HOMER2: variants seen among roughly 807,000 people sequenced by gnomAD.
HOMER2 encodes the protein homer protein homolog 2.
Under a neutral mutation model 47.0 loss-of-function variants are expected in HOMER2, and 27 were observed. The observed-to-expected ratio is 0.57, with a 90% CI of 0.42 to 0.79. HOMER2 has a LOEUF of 0.79. Among genes scored for constraint, HOMER2 ranks in the 30% least tolerant of loss-of-function variants. The pLI, the probability that HOMER2 is intolerant of heterozygous loss-of-function variation, is 0.00. For missense variants in HOMER2, 443 were observed against 435.0 expected (o/e 1.02, Z -0.16); for synonymous variants, 161 against 163.8 (o/e 0.98, Z 0.13).
intron 1 of HOMER2, among the ~76,000 whole-genome samples, chr15:82,893,367 C>T (rs542708426): frequency 7.8e-6 from 1 of 128,692 alleles, no homozygotes; most frequent in Non-Finnish European, 1.6e-5. Context: ...GAGTCTCGCT[C>T]TGTTGCCCAG....
At chr15:82,898,067 G>A (rs949408133) in intron 1 of HOMER2, among the ~76,000 whole-genome samples, 1 of 152,234 alleles carries the variant, frequency 6.6e-6, no homozygotes, top group Non-Finnish European at 1.5e-5. Flanking sequence ...CAACAGGGCT[G>A]TGAGTGGGCA....
At chr15:82,961,779 T>G (rs928301954) in intron 1 of HOMER2, among the ~76,000 whole-genome samples, 5 of 152,156 alleles carry the variant, frequency 3.3e-5, no homozygotes, top group Non-Finnish European at 7.3e-5. Context: ...CATAAGTTTT[T>G]GTTTTTTATT....
chr15:82,950,960 G>C (rs2054493096), intron 1 of HOMER2, among the ~76,000 whole-genome samples: 1 of 152,192 alleles, frequency 6.6e-6, no homozygotes, highest in Non-Finnish European at 1.5e-5. Context: ...GGGCCAGAAA[G>C]AGAGTTAAAA....
Position 82,867,026 on chromosome 15 carries a change from T to A in HOMER2, c.295-2767A>T, listed in dbSNP as rs531001716. On this transcript the variant is annotated intron_variant, in intron 3 of 8. Transcript: ENST00000450735. ...GGGCCTCAACTTTTATATAAAAAATTAGCTTATGACTAAGGGGGAAACAGA... is the reference window on the plus strand; with the variant it reads ...GGGCCTCAACTTTTATATAAAAAATAAGCTTATGACTAAGGGGGAAACAGA... 2.6e-5 allele frequency among the ~76,000 whole-genome samples: 4 copies of A among 152,258 alleles called. No homozygotes were observed. The South Asian group carries it at 8.3e-4, about 32-fold the overall frequency.
chr15:82,920,402 G>A (rs1244790902), intron 1 of HOMER2, among the ~76,000 whole-genome samples: 1 of 152,190 alleles, frequency 6.6e-6, no homozygotes, highest in African/African-American at 2.4e-5. Context: ...CAGCTCTGGA[G>A]GGCAGAAATC....
At chr15:82,875,534 C>T (rs2052321722) in intron 2 of HOMER2, 130 bp from the exon 3 acceptor site, 18 of 927,502 alleles carry the variant, frequency 1.9e-5, no homozygotes, top group South Asian at 3.4e-5. Context: ...TTTGGTCCCG[C>T]GTTCTCCTGG....
chr15:82,840,899 A>T (rs1043708396), exon 2 of HOMER2: 16 of 152,116 alleles, frequency 1.1e-4, no homozygotes, highest in Admixed American at 4.6e-4. Context: ...AAGAGCAAAA[A>T]ATTCTAAATA....
chr15:82,961,538 C>A (rs887377401), intron 1 of HOMER2, among the ~76,000 whole-genome samples: 1 of 152,238 alleles, frequency 6.6e-6, no homozygotes, highest in Non-Finnish European at 1.5e-5. Flanking sequence ...CCTTTAAATT[C>A]CTGTGCTTCA....
At chr15:82,975,945 G>A (rs965804444) in intron 1 of HOMER2, among the ~76,000 whole-genome samples, 68 of 151,886 alleles carry the variant, frequency 4.5e-4, no homozygotes, top group African/African-American at 1.6e-3. Context: ...ATTGTGTGCC[G>A]GTATCAAAGC....
chr15:82,953,392 G>A (rs1310955742), upstream of HOMER2, among the ~76,000 whole-genome samples: 3 of 152,146 alleles, frequency 2.0e-5, no homozygotes, highest in Non-Finnish European at 4.4e-5. Flanking sequence ...AGGGGAATTA[G>A]GATGGCAAAA....
chr15:82,937,533 C>T (rs1307616066), intron 1 of HOMER2, among the ~76,000 whole-genome samples: 6 of 152,114 alleles, frequency 3.9e-5, no homozygotes, highest in Admixed American at 3.3e-4. Context: ...CCCTCCAAGA[C>T]ATTATCCGCT....
At chr15:82,841,479 C>T (rs2051174857) in exon 2 of HOMER2, 1 of 152,050 alleles carries the variant, frequency 6.6e-6, no homozygotes, top group Non-Finnish European at 1.5e-5. Context: ...GATTATTTTA[C>T]ACTAAGAGTC....
At chr15:82,853,613 A>T (rs971618620) in intron 6 of HOMER2, among the ~76,000 whole-genome samples, 5 of 152,164 alleles carry the variant, frequency 3.3e-5, no homozygotes, top group African/African-American at 1.2e-4. Context: ...GACGGAGCAT[A>T]CTCCAAAGCC....
chr15:82,897,061 ATTTCTTTTTT>A (rs1335892220), intron 1 of HOMER2, among the ~76,000 whole-genome samples: 70 of 46,024 alleles, frequency 1.5e-3, no homozygotes, highest in African/African-American at 4.0e-3. Flanking sequence ...ATTTGATGTC[ATTTCTTTTTT>A]TTTTTTTTTT....
chr15:82,955,181 T>A (rs2054576617), upstream of HOMER2, among the ~76,000 whole-genome samples: 1 of 150,080 alleles, frequency 6.7e-6, no homozygotes, highest in Admixed American at 6.6e-5. Context: ...CTTTTTTTTT[T>A]TTTTTTGAGA....
At chr15:82,940,502 G>T (rs1213946622) in intron 1 of HOMER2, among the ~76,000 whole-genome samples, 1 of 152,202 alleles carries the variant, frequency 6.6e-6, no homozygotes, top group Non-Finnish European at 1.5e-5. Flanking sequence ...CCAGCACTTT[G>T]GGAGGCCAAG....
chr15:82,934,255 C>A (rs549824941), intron 1 of HOMER2, among the ~76,000 whole-genome samples: 8 of 152,136 alleles, frequency 5.3e-5, no homozygotes, highest in African/African-American at 1.9e-4. Flanking sequence ...CCTGCCTCCA[C>A]GTTACTTTCT....
chr15:82,850,392 C>T (rs2051354468), intron 8 of HOMER2, among the ~76,000 whole-genome samples: 3 of 152,206 alleles, frequency 2.0e-5, no homozygotes, highest in African/African-American at 7.2e-5. Flanking sequence ...ACTGGCCATG[C>T]CAATGACTCA....
chr15:82,947,010 T>C (rs117766505), intron 1 of HOMER2, among the ~76,000 whole-genome samples: 1,658 of 152,360 alleles, frequency 0.011, 8 homozygotes, highest in Non-Finnish European at 0.017. Flanking sequence ...GGTACTTGTG[T>C]ATGTAGTTTA....
Sources: gnomAD v4.1 joint callset for allele counts (sites outside exome capture counted in the v4.1 genomes callset) on GRCh38, gnomAD v4.1.1 for gene constraint, MANE v1.5 for transcripts, NCBI Gene and HGNC (gene_info 2026-07-23, HGNC 2026-07-21) for gene names.